TOP1MT: variants seen among roughly 807,000 people sequenced by gnomAD.
The protein encoded by TOP1MT is DNA topoisomerase I mitochondrial, also known as DNA topoisomerase I, mitochondrial.
TOP1MT carries 80 observed loss-of-function variants against 73.9 expected under a neutral mutation model. The observed-to-expected ratio is 1.08, with a 90% confidence interval of 0.90 to 1.30. The LOEUF is 1.30. TOP1MT is among the 50% of genes most tolerant of loss of function. The pLI is 0.00. For synonymous variants in TOP1MT, 338 were observed against 326.4 expected, an observed-to-expected ratio of 1.04 and a Z score of -0.38; for missense variants, 815 against 808.0, an observed-to-expected ratio of 1.01 and a Z score of -0.10.
Position 143,321,383 on chromosome 8 carries a change from C to T in TOP1MT, c.964G>A (p.Ala322Thr), listed in dbSNP as rs1262034892. The T allele has an allele frequency of 5.1e-6, 8 of 1,580,800 alleles. No individual in the cohort carries two copies. Among genetic ancestry groups the T allele is most frequent in the Non-Finnish European group, 6.9e-6 (8 of 1,157,408 alleles). ...TCCTTCTCATTTCCTGCTCTCAGTG[C>T]CAGCTAGTTGGTGGGGAATGGTCAA... is the stretch of plus-strand genomic sequence containing the variant. The part of the protein sequence containing the change: ...AVALYFIDKL[A>T]LRAGNEKEDG... Residue 322 changes from alanine (A) to threonine (T), a missense_variant, in exon 8 of 14, where the codon GCA (alanine) becomes ACA (threonine). Around this residue, in one of 3 missense-constraint regions of TOP1MT, gnomAD observed 751 missense variants for 725.4 expected, o/e 1.04. Transcript: ENST00000329245.
In TOP1MT at chr8:143,321,241, T is replaced by C. The variant is rs759906211; in HGVS notation, c.1106A>G (p.Asp369Gly). 58 of 1,611,782 alleles carry C rather than the reference T, an allele frequency of 3.6e-5. No homozygotes were observed. The highest frequency in any genetic ancestry group is 4.8e-5 in the Non-Finnish European group (57 of 1,178,994). ...HVVEFDFLGK[D>G]CIRYYNRVPV... ...CACTCTGTTGTAGTAGCGGATGCAG[T>C]CCTTCCCCAGGAAGTCAAATTCCAC... Residue 369 changes from aspartate to glycine, a missense_variant, in exon 8 of 14, where the codon GAC becomes GGC. Physicochemically the swap from Asp to Gly is moderately conservative, Grantham distance 94 (BLOSUM62 -1). This residue lies in a region of TOP1MT where 751 missense variants were observed against 725.4 expected (regional missense o/e 1.04). Coordinates refer to ENST00000329245, the MANE Select transcript of TOP1MT (RefSeq NM_052963.3).
chr8:143,352,007 G>A (rs538786501), intron 1 of TOP1MT, among the ~76,000 whole-genome samples: 17 of 152,352 alleles, frequency 1.1e-4, no homozygotes, highest in African/African-American at 3.8e-4. Flanking sequence ...GCTTGAACCT[G>A]GGAGGTGGAG....
At chr8:143,322,478 AGGCACGCCACACGCACGCCACACAC>A (rs1816475701) in intron 7 of TOP1MT, among the ~76,000 whole-genome samples, 4 of 105,486 alleles carry the variant, frequency 3.8e-5, no homozygotes, top group Admixed American at 1.0e-4. Flanking sequence ...CACGCCACAC[AGGCACGCCACACGCACGCCACACAC>A]ACAGGCACGC....
chr8:143,325,296 C>A (rs1373366917), intron 5 of TOP1MT, 50 bp downstream of exon 5: 2 of 1,524,638 alleles, frequency 1.3e-6, no homozygotes, highest in Non-Finnish European at 1.8e-6. Context: ...GCCAGCCTCA[C>A]CCGGGTGGCG....
intron 12 of TOP1MT, 71 bp downstream of exon 12, chr8:143,315,656 C>G (rs1419105142): frequency 5.7e-6 from 7 of 1,221,454 alleles, no homozygotes; most frequent in Non-Finnish European, 8.3e-6. Flanking sequence ...CTCCCACCGA[C>G]CCTGTGGGGC....
chr8:143,321,631 CACAG>C (rs1352584079), intron 7 of TOP1MT, among the ~76,000 whole-genome samples: 5,713 of 52,300 alleles, frequency 0.11, 674 homozygotes, highest in South Asian at 0.29. Context: ...GCACGCCACA[CACAG>C]GCACGCCACA....
At chr8:143,349,983 C>T (rs1329153315), upstream of TOP1MT, among the ~76,000 whole-genome samples, 1 of 152,160 alleles carries the variant, frequency 6.6e-6, no homozygotes, top group African/African-American at 2.4e-5. Flanking sequence ...TATTAATACA[C>T]TCCCACAACC....
intron 7 of TOP1MT, among the ~76,000 whole-genome samples, chr8:143,322,575 C>G (rs1312308376): frequency 8.0e-4 from 112 of 139,510 alleles, no homozygotes; most frequent in African/African-American, 2.8e-3. Flanking sequence ...AGACACGCCA[C>G]ACACATGCAC....
upstream of TOP1MT, among the ~76,000 whole-genome samples, chr8:143,337,581 T>C (rs754527712): frequency 2.0e-5 from 3 of 152,146 alleles, no homozygotes; most frequent in Admixed American, 6.5e-5. Context: ...AGTTGGAGGA[T>C]TCATACTTGC....
intron 3 of TOP1MT, 59 bp from the exon 4 acceptor site, chr8:143,326,403 T>C: frequency 3.8e-6 from 6 of 1,598,726 alleles, no homozygotes; most frequent in South Asian, 3.3e-5. Context: ...TGCAGAGCGC[T>C]CTCGCCATGT....
At chr8:143,342,193 CTGT>C (rs1258883854) in intron 2 of TOP1MT, among the ~76,000 whole-genome samples, 2 of 52,782 alleles carry the variant, frequency 3.8e-5, no homozygotes, top group South Asian at 8.4e-4. Context: ...GACAGTCTCG[CTGT>C]TATTATTATT....
chr8:143,357,909 G>A (rs952807086), upstream of TOP1MT, among the ~76,000 whole-genome samples: 8 of 147,070 alleles, frequency 5.4e-5, no homozygotes, highest in East Asian at 1.2e-3. Flanking sequence ...TGACAGGAGC[G>A]AAACTCCGTC....
intron 8 of TOP1MT, among the ~76,000 whole-genome samples, chr8:143,320,058 A>AG (rs1293446303): frequency 6.6e-6 from 1 of 150,676 alleles, no homozygotes; most frequent in Non-Finnish European, 1.5e-5. Context: ...CAGGAGGCGG[A>AG]GGTCGCAGTC....
At chr8:143,315,679 G>A (rs768899777) in intron 12 of TOP1MT, 48 bp downstream of exon 12, 43 of 1,514,812 alleles carry the variant, frequency 2.8e-5, no homozygotes, top group Middle Eastern at 1.7e-4. Flanking sequence ...GACCCTACGG[G>A]TTGGGACAGG....
At chr8:143,311,242 T>A (rs1003190309) in intron 12 of TOP1MT, among the ~76,000 whole-genome samples, 3 of 151,544 alleles carry the variant, frequency 2.0e-5, no homozygotes, top group Non-Finnish European at 2.9e-5. Flanking sequence ...GTGTTGGGAT[T>A]ACAGGCATGA....
intron 2 of TOP1MT, chr8:143,343,053 G>A (rs1324051095): frequency 2.2e-5 from 9 of 404,822 alleles, no homozygotes; most frequent in East Asian, 7.1e-5. Context: ...GAGCCACCAC[G>A]CCTGGCCTGC....
In TOP1MT at chr8:143,316,118, T is replaced by A; in HGVS notation, c.1339A>T (p.Ser447Cys). 6.2e-7 allele frequency: 1 copy of A among 1,614,114 alleles called. No individual in the cohort carries two copies. The highest frequency in any genetic ancestry group is 8.5e-7 in the Non-Finnish European group (1 of 1,179,970). ...TAGGATAAGATCTTAGCTGCTATGC[T>A]GTCCTCGGCTGAGAGGCACGGGCTG... ...QLRALTRAED[S>C]IAAKILSYNR... Residue 447 changes from serine (S) to cysteine (C), a missense_variant, in exon 11 of 14, where the codon AGC becomes TGC. Physicochemically the swap from Ser to Cys is moderately radical, Grantham distance 112. Around this residue, in one of 3 missense-constraint regions of TOP1MT, gnomAD observed 751 missense variants for 725.4 expected, o/e 1.04. Transcript: ENST00000329245.
intron 6 of TOP1MT, 41 bp downstream of exon 6, chr8:143,324,444 A>C (rs1816648550): frequency 3.7e-6 from 6 of 1,611,980 alleles, no homozygotes; most frequent in African/African-American, 1.3e-5. Context: ...CCTCAGGGGG[A>C]CCTCCTGGGG....
intron 2 of TOP1MT, 137 bp downstream of exon 2, chr8:143,331,087 C>T (rs1816840815): frequency 1.6e-6 from 1 of 628,872 alleles, no homozygotes; most frequent in Non-Finnish European, 2.7e-6. Context: ...CCACGCATCA[C>T]CTGCAAGAAG....
Sources: allele counts gnomAD v4.1 joint callset (sites outside exome capture counted in the v4.1 genomes callset), GRCh38; gene constraint gnomAD v4.1.1; regional missense constraint gnomAD v4.1.1; transcripts MANE v1.5; gene names NCBI Gene and HGNC (gene_info 2026-07-23, HGNC 2026-07-21).